CFAP44: variants seen among roughly 807,000 people sequenced by gnomAD.
CFAP44 encodes cilia and flagella associated protein 44.
In CFAP44, 134 loss-of-function variants were observed where a neutral mutation model predicts 216.2. The ratio of observed to expected loss-of-function variants is 0.62; its 90% CI spans 0.54 to 0.72. The LOEUF (loss-of-function observed/expected upper bound fraction) is 0.72. CFAP44 is among the 30% of genes least tolerant of loss of function. CFAP44 has a pLI of 0.00. For missense variants in CFAP44, 2,035 were observed against 2,182.1 expected (o/e 0.93, Z 1.34); for synonymous variants, 700 against 727.6 (o/e 0.96, Z 0.61).
In CFAP44 at chr3:113,366,720, G is replaced by A. The variant is rs1453971263; in HGVS notation, c.2445-411C>T. On this transcript the variant is annotated intron_variant, in intron 18 of 34. Coordinates refer to ENST00000393845, the MANE Select transcript of CFAP44 (RefSeq NM_001164496.2). ...CTCATTGGGACTGGTTGGACAGTGG[G>A]TGCAGCCGATGGAGGGCAAGCCGAA... Among the ~76,000 whole-genome samples the A allele has an allele frequency of 7.9e-5, 12 of 152,332 alleles. No homozygotes were observed. The East Asian group carries it at 2.3e-3, about 29-fold the overall frequency.
chr3:113,358,167 A>T (rs1950508324), intron 22 of CFAP44, among the ~76,000 whole-genome samples: 3 of 152,170 alleles, frequency 2.0e-5, no homozygotes, highest in Non-Finnish European at 4.4e-5. Context: ...TCAACTTTGA[A>T]GAGTATTTCC....
intron 5 of CFAP44, among the ~76,000 whole-genome samples, chr3:113,419,404 G>C (rs543428155): frequency 2.6e-5 from 4 of 152,026 alleles, no homozygotes; most frequent in Non-Finnish European, 5.9e-5. Flanking sequence ...TATATGTTCT[G>C]TGTAGTGTTG....
At chr3:113,357,919 C>T (rs1026960722) in intron 22 of CFAP44, among the ~76,000 whole-genome samples, 3 of 151,906 alleles carry the variant, frequency 2.0e-5, no homozygotes, top group African/African-American at 7.3e-5. Context: ...TTTATGGTAG[C>T]CAAAAATAGA....
At position 113,326,587 on chromosome 3, in the gene CFAP44, G is replaced by GAAGCAA. The variant is rs1950191591; in HGVS notation, c.4373_4374insTTGCTT (p.Thr1458_Lys1459insCysPhe). ...GTGCCTTTTCTTGCTCCTGGAGTTT[G>GAAGCAA]GTGATTTCATTCTTTTTCTCTTCCA... On this transcript the variant is annotated inframe_insertion, in exon 28 of 35. Coordinates refer to ENST00000393845, the MANE Select transcript of CFAP44 (RefSeq NM_001164496.2). 1 of 1,526,260 alleles carries GAAGCAA rather than the reference G, an allele frequency of 6.6e-7. No individual in the cohort carries two copies. The highest frequency in any genetic ancestry group is 1.4e-5 in the African/African-American group (1 of 72,346). 94.5% of individuals were successfully genotyped at this position (1,526,260 alleles called of 1,614,324 possible).
chr3:113,293,493 G>A (rs902079351), intron 34 of CFAP44, among the ~76,000 whole-genome samples: 4 of 152,284 alleles, frequency 2.6e-5, no homozygotes, highest in Non-Finnish European at 5.9e-5. Flanking sequence ...CATATACTGT[G>A]TAAAGAGACA....
chr3:113,426,410 G>A, intron 3 of CFAP44, 133 bp from the exon 4 acceptor site: 1 of 906,906 alleles, frequency 1.1e-6, no homozygotes, highest in Non-Finnish European at 1.6e-6. Flanking sequence ...TTGAATCACA[G>A]GGGCTGTTAC....
chr3:113,343,058 T>C (rs946133311), intron 23 of CFAP44, among the ~76,000 whole-genome samples: 1 of 129,494 alleles, frequency 7.7e-6, no homozygotes, highest in Non-Finnish European at 1.6e-5. Flanking sequence ...TTTCTTTCTT[T>C]CTTTTTTTTT....
In CFAP44 at chr3:113,433,592, G is replaced by A. The variant is rs1376466428; in HGVS notation, c.73C>T (p.Leu25=). ...CTTGATTCTGATTTAGAAGACCTCA[G>A]AGACTTCTTCCCATCACTCTTTGAT... is the stretch of plus-strand genomic sequence containing the variant. The part of the protein sequence containing the change: ...VTSKSDGKKS[L]RSSKSESRSP... Residue 25 remains leucine, a synonymous_variant, in exon 2 of 35, where the codon CTG becomes TTG. Coordinates refer to ENST00000393845, the MANE Select transcript of CFAP44 (RefSeq NM_001164496.2). The A allele has an allele frequency of 1.9e-6, 3 of 1,612,630 alleles. No individual in the cohort carries two copies. The Admixed American group carries it at 5.0e-5, about 27-fold the overall frequency.
intron 15 of CFAP44, among the ~76,000 whole-genome samples, chr3:113,394,344 T>C (rs558482322): frequency 5.8e-4 from 88 of 152,298 alleles, no homozygotes; most frequent in Non-Finnish European, 1.0e-3. Context: ...CCCTGCCAAA[T>C]GTTGGTTGAT....
intron 28 of CFAP44, among the ~76,000 whole-genome samples, chr3:113,311,442 G>A (rs1281800356): frequency 6.6e-6 from 1 of 152,110 alleles, no homozygotes; most frequent in Non-Finnish European, 1.5e-5. Context: ...GTTTTATCAG[G>A]GGTTTCTGCT....
At chr3:113,320,668 C>T (rs1007336371) in intron 28 of CFAP44, among the ~76,000 whole-genome samples, 1 of 151,592 alleles carries the variant, frequency 6.6e-6, no homozygotes, top group Non-Finnish European at 1.5e-5. Context: ...AGACTGTCTG[C>T]AAGCTGAGGA....
chr3:113,428,808 C>G (rs1308800470), intron 2 of CFAP44: 1 of 152,078 alleles, frequency 6.6e-6, no homozygotes, highest in Non-Finnish European at 1.5e-5. Flanking sequence ...CTGTAGATAT[C>G]AAAAATAACC....
intron 28 of CFAP44, among the ~76,000 whole-genome samples, chr3:113,325,188 G>C (rs1352331671): frequency 6.6e-6 from 1 of 151,148 alleles, no homozygotes; most frequent in Non-Finnish European, 1.5e-5. Context: ...TATAATCCCA[G>C]CTACTTGGGA....
chr3:113,356,515 G>C (rs1194179889), intron 22 of CFAP44, among the ~76,000 whole-genome samples: 1 of 152,082 alleles, frequency 6.6e-6, no homozygotes, highest in Admixed American at 6.5e-5. Flanking sequence ...CAATGAGATA[G>C]AATAAAGAGT....
Position 113,296,710 on chromosome 3 carries a change from C to T in CFAP44, c.5238+15G>A, listed in dbSNP as rs1438016747. The T allele has an allele frequency of 1.3e-6, 2 of 1,535,454 alleles. No individual in the cohort carries two copies. Among genetic ancestry groups the T allele is most frequent in the Non-Finnish European group, 1.7e-6 (2 of 1,145,088 alleles). On this transcript the variant is annotated intron_variant, in intron 33 of 34. Transcript: ENST00000393845. ...GCCAGATTCAACCAAAGATCAACCC[C>T]CTTCTCTTCCTTACCTCCCACATCT...
At chr3:113,347,820 A>T (rs190790955) in intron 22 of CFAP44, among the ~76,000 whole-genome samples, 14 of 152,246 alleles carry the variant, frequency 9.2e-5, no homozygotes, top group Non-Finnish European at 1.6e-4. Context: ...TGGGGGCATA[A>T]CATCTTTATA....
chr3:113,341,972 TCA>T, intron 23 of CFAP44, 54 bp from the exon 24 acceptor site: 1 of 1,466,390 alleles, frequency 6.8e-7, no homozygotes, highest in Non-Finnish European at 8.9e-7. Context: ...AACAAAACTC[TCA>T]GATATTGTTT....
At chr3:113,383,901 G>T (rs536638136) in intron 15 of CFAP44, among the ~76,000 whole-genome samples, 26 of 149,032 alleles carry the variant, frequency 1.7e-4, no homozygotes, top group Admixed American at 4.7e-4. Flanking sequence ...CCCTCCCCTA[G>T]CCCCCAACCC....
At position 113,296,865 on chromosome 3, in the gene CFAP44, G is replaced by A. The variant is rs1289494968; in HGVS notation, c.5098C>T (p.Gln1700Ter). 6 of 1,537,182 alleles carry A rather than the reference G, an allele frequency of 3.9e-6. No individual in the cohort carries two copies. In the East Asian group the frequency reaches 1.2e-4, roughly 31 times the overall value. Residue 1700 changes from glutamine to a stop codon, truncating the protein, a stop_gained, in exon 33 of 35, where the codon CAG (glutamine) becomes TAG (stop). Coordinates refer to ENST00000393845, the MANE Select transcript of CFAP44 (RefSeq NM_001164496.2). LOFTEE classifies it high-confidence loss of function. ...CGGCCAAACTTGCTGATCATGAGCT[G>A]CCGGACTGTTTCCTCCATTTCTAAA... is the stretch of plus-strand genomic sequence containing the variant. ...TIHKMEETVR[Q>*]LMISKFGRVV...
Sources: allele counts gnomAD v4.1 joint callset (sites outside exome capture counted in the v4.1 genomes callset), GRCh38; gene constraint gnomAD v4.1.1; transcripts MANE v1.5; gene names NCBI Gene and HGNC (gene_info 2026-07-23, HGNC 2026-07-21).